Variants in STK32C observed in about 807,000 individuals in gnomAD.
STK32C encodes the protein serine/threonine kinase 32C.
Under a neutral mutation model 56.5 loss-of-function variants are expected in STK32C, and 31 were observed. That is an observed-to-expected ratio of 0.55 (90% confidence interval 0.41 to 0.74). The LOEUF is 0.74. Ranked by LOEUF, STK32C falls within the 30% of genes least tolerant of loss-of-function variation. The pLI is 0.00. For synonymous variants in STK32C, 309 were observed against 289.4 expected, an observed-to-expected ratio of 1.07 and a Z score of -0.69; for missense variants, 544 against 676.9, an observed-to-expected ratio of 0.80 and a Z score of 2.18.
intron 1 of STK32C, among the ~76,000 whole-genome samples, chr10:132,313,921 A>G (rs1439850165): frequency 2.6e-5 from 4 of 152,184 alleles, no homozygotes; most frequent in African/African-American, 9.7e-5. Context: ...ACTTTGGCCA[A>G]TGGAAAACCA....
chr10:132,223,398 C>T (rs1160533994), intron 8 of STK32C, among the ~76,000 whole-genome samples: 1 of 152,182 alleles, frequency 6.6e-6, no homozygotes, highest in Admixed American at 6.5e-5. Flanking sequence ...GCCAGATGAG[C>T]CCGGGGCAGC....
chr10:132,327,186 G>C (rs1459376606), intron 1 of STK32C, among the ~76,000 whole-genome samples: 3 of 152,148 alleles, frequency 2.0e-5, no homozygotes, highest in Non-Finnish European at 4.4e-5. Context: ...GGCTGTTCTT[G>C]TGATAGTGAA....
Position 132,307,825 on chromosome 10 carries a change from ACTC to A in STK32C, c.6_8del (p.Arg2del). 9.0e-7 allele frequency: 1 copy of A among 1,111,516 alleles called. No individual in the cohort carries two copies. The highest frequency in any genetic ancestry group is 1.8e-5 in the African/African-American group (1 of 57,090). The allele number at this position is 1,111,516 out of a possible 1,614,324, so 68.9% of individuals were successfully genotyped here. ...CGCTGCTGCCCCTGCGCTCGGCGCC[ACTC>A]CTCATCGCCGGGTCTGGGTGCGCGC... On this transcript the variant is annotated inframe_deletion, in exon 1 of 12. Coordinates refer to ENST00000298630, the MANE Select transcript of STK32C (RefSeq NM_173575.4). The surrounding 1 kb of genome is among the most constrained non-coding windows in gnomAD (Gnocchi z 4.4).
intron 1 of STK32C, among the ~76,000 whole-genome samples, chr10:132,248,805 C>G (rs981789001): frequency 3.3e-5 from 5 of 152,202 alleles, no homozygotes; most frequent in African/African-American, 1.2e-4. Context: ...CGGCCTCCCC[C>G]AGGACCCCAA....
rs1052664758 is a variant in STK32C at position 132,274,057 on chromosome 10, G to A, written c.263-28102C>T. ...GGTGCACATCGACTTAAACATTTGC[G>A]AGGTGAAGCAAGCTGAGGTGCAGGG... On this transcript the variant is annotated intron_variant, in intron 1 of 11. Transcript: ENST00000298630. Among the ~76,000 whole-genome samples the A allele has an allele frequency of 6.6e-5, 10 of 152,322 alleles. No individual in the cohort carries two copies. The South Asian group carries it at 1.2e-3, about 19-fold the overall frequency.
At chr10:132,278,734 T>C (rs911654568) in intron 1 of STK32C, among the ~76,000 whole-genome samples, 2 of 132,726 alleles carry the variant, frequency 1.5e-5, no homozygotes, top group African/African-American at 6.0e-5. Context: ...CACTCCAGCC[T>C]GGGCGACAGA....
chr10:132,219,104 A>T (rs1309083058), intron 10 of STK32C, among the ~76,000 whole-genome samples: 1 of 152,214 alleles, frequency 6.6e-6, no homozygotes, highest in Non-Finnish European at 1.5e-5. Flanking sequence ...ATTACATGAA[A>T]AGGTTCTAAA....
intron 8 of STK32C, among the ~76,000 whole-genome samples, chr10:132,223,673 A>C (rs2814195): frequency 0.81 from 123,105 of 152,174 alleles, 50,026 homozygotes; most frequent in East Asian, 0.96. Flanking sequence ...CTCCCCAAGG[A>C]TTTAGGCTGC....
chr10:132,224,597 G>T, intron 7 of STK32C, 74 bp from the exon 8 acceptor site: 1 of 1,149,342 alleles, frequency 8.7e-7, no homozygotes. Flanking sequence ...AGACACAGGT[G>T]CCATCGCCCT....
chr10:132,325,485 G>A (rs546173332), intron 1 of STK32C, among the ~76,000 whole-genome samples: 3 of 151,394 alleles, frequency 2.0e-5, no homozygotes, highest in Admixed American at 6.6e-5. Context: ...CCCAGGAGGC[G>A]GAGCTTCCAG....
At chr10:132,250,234 G>A (rs563204089) in intron 1 of STK32C, among the ~76,000 whole-genome samples, 7 of 152,330 alleles carry the variant, frequency 4.6e-5, no homozygotes, top group African/African-American at 1.7e-4. Flanking sequence ...TGTGTGAGGC[G>A]CCCGGGACAG....
At chr10:132,287,245 C>A (rs1221067866) in intron 1 of STK32C, among the ~76,000 whole-genome samples, 1 of 152,062 alleles carries the variant, frequency 6.6e-6, no homozygotes, top group Non-Finnish European at 1.5e-5. Context: ...GTAATCCCAG[C>A]ACTTTGGGAG....
At chr10:132,294,513 A>T (rs144653995) in intron 1 of STK32C, among the ~76,000 whole-genome samples, 56 of 152,268 alleles carry the variant, frequency 3.7e-4, no homozygotes, top group Non-Finnish European at 7.1e-4. Flanking sequence ...ACACTTTCGT[A>T]GCACAGGAAA....
intron 1 of STK32C, among the ~76,000 whole-genome samples, chr10:132,276,264 G>A (rs2064995970): frequency 6.6e-6 from 1 of 152,222 alleles, no homozygotes; most frequent in Non-Finnish European, 1.5e-5. Context: ...TCAGCAGAGT[G>A]ATGAGATGCC....
Position 132,230,321 on chromosome 10 carries a change from A to G in STK32C, c.319-2193T>C, listed in dbSNP as rs565541658. ...TGCCGCTTCCCACTGCCAACGGGGC[A>G]GAGTCGCGTGGCTCGGCAGCACGGC... On this transcript the variant is annotated intron_variant, in intron 2 of 11. Coordinates refer to ENST00000298630, the MANE Select transcript of STK32C (RefSeq NM_173575.4). Among the ~76,000 whole-genome samples, 282 of 152,344 alleles carry G rather than the reference A, an allele frequency of 1.9e-3. 3 individuals are homozygous for G. Among genetic ancestry groups the G allele is most frequent in the Middle Eastern group, 0.01 (3 of 294 alleles).
chr10:132,220,528 G>A (rs2137644886), intron 10 of STK32C, among the ~76,000 whole-genome samples: 1 of 152,348 alleles, frequency 6.6e-6, no homozygotes. Context: ...TCACATAGCA[G>A]AGGATCAAAG....
At chr10:132,265,342 C>G (rs891947318) in intron 1 of STK32C, among the ~76,000 whole-genome samples, 1 of 152,204 alleles carries the variant, frequency 6.6e-6, no homozygotes, top group Non-Finnish European at 1.5e-5. Flanking sequence ...CCTGCTCCTC[C>G]CTGCCACACT....
At chr10:132,250,351 A>G (rs955983091) in intron 1 of STK32C, among the ~76,000 whole-genome samples, 1 of 128,868 alleles carries the variant, frequency 7.8e-6, no homozygotes, top group Non-Finnish European at 1.6e-5. Context: ...GGGACAGGTC[A>G]CTGCAGAGAG....
chr10:132,220,795 A>G (rs1366790056), intron 10 of STK32C, among the ~76,000 whole-genome samples: 1 of 152,190 alleles, frequency 6.6e-6, no homozygotes, highest in Non-Finnish European at 1.5e-5. Flanking sequence ...GCACCTGACA[A>G]GGCCACGACC....
Sources: gnomAD v4.1 joint callset for allele counts (sites outside exome capture counted in the v4.1 genomes callset) on GRCh38, gnomAD v4.1.1 for gene constraint, Gnocchi (gnomAD v3.1) non-coding constraint, MANE v1.5 for transcripts, NCBI Gene and HGNC (gene_info 2026-07-23, HGNC 2026-07-21) for gene names.